PLCL2: variants seen among roughly 807,000 people sequenced by gnomAD.
The protein encoded by PLCL2 is phospholipase C like 2.
Under a neutral mutation model 79.6 loss-of-function variants are expected in PLCL2, and 4 were observed. That is an observed-to-expected ratio of 0.05 (90% CI 0.02 to 0.11). The LOEUF (loss-of-function observed/expected upper bound fraction) is 0.11. PLCL2 is among the 10% of genes least tolerant of loss of function. PLCL2 has a pLI of 1.00. For synonymous variants in PLCL2, 484 were observed against 457.7 expected, an observed-to-expected ratio of 1.06 and a Z score of -0.73; for missense variants, 895 against 1,291.0, an observed-to-expected ratio of 0.69 and a Z score of 4.70.
At chr3:17,053,676 C>T (rs2064864541) in intron 4 of PLCL2, among the ~76,000 whole-genome samples, 1 of 152,214 alleles carries the variant, frequency 6.6e-6, no homozygotes, top group Non-Finnish European at 1.5e-5. Context: ...AAGTTACTTA[C>T]TTCCAAGTTA....
At chr3:17,079,923 G>A (rs978224367) in intron 5 of PLCL2, among the ~76,000 whole-genome samples, 6 of 152,058 alleles carry the variant, frequency 3.9e-5, no homozygotes, top group African/African-American at 7.2e-5. Context: ...ACACTGCCTC[G>A]AACCACAGAA....
chr3:17,071,803 A>T (rs934581811), intron 5 of PLCL2, among the ~76,000 whole-genome samples: 1 of 152,144 alleles, frequency 6.6e-6, no homozygotes, highest in African/African-American at 2.4e-5. Context: ...TTATAAAATA[A>T]GTTATGTCAG....
At chr3:16,963,069 G>C (rs1559500180) in intron 1 of PLCL2, among the ~76,000 whole-genome samples, 1 of 152,020 alleles carries the variant, frequency 6.6e-6, no homozygotes, top group Non-Finnish European at 1.5e-5. Flanking sequence ...GTAAGGAATA[G>C]TTTGGAAAAT....
chr3:16,992,627 C>A (rs915347728), intron 1 of PLCL2, among the ~76,000 whole-genome samples: 1 of 152,154 alleles, frequency 6.6e-6, no homozygotes, highest in Non-Finnish European at 1.5e-5. Context: ...TTCCTGGTAG[C>A]CAAGCAAGAG....
chr3:16,900,950 G>A (rs1696603472), intron 1 of PLCL2, among the ~76,000 whole-genome samples: 1 of 152,178 alleles, frequency 6.6e-6, no homozygotes, highest in Non-Finnish European at 1.5e-5. Flanking sequence ...GATAATCTTG[G>A]AGTGGCACTG....
In PLCL2 at chr3:17,049,784, C is replaced by T. The variant is rs187070826; in HGVS notation, c.3094+6835C>T. ...AAGCAATATACAGATTCAATACAAT[C>T]GCTATCAAAATTCCAGTGACATTCT... On this transcript the variant is annotated intron_variant, in intron 4 of 5. Transcript: ENST00000615277. Among the ~76,000 whole-genome samples, 268 of 151,738 alleles carry T rather than the reference C, an allele frequency of 1.8e-3. 2 individuals carry two copies. The highest frequency in any genetic ancestry group is 3.2e-3 in the Non-Finnish European group (215 of 67,912).
intron 1 of PLCL2, among the ~76,000 whole-genome samples, chr3:16,958,015 G>T (rs886344845): frequency 1.7e-4 from 26 of 152,200 alleles, no homozygotes; most frequent in South Asian, 8.3e-4. Context: ...ATTGGAGCAT[G>T]CAGTCCATTT....
intron 1 of PLCL2, among the ~76,000 whole-genome samples, chr3:16,898,329 T>C (rs930276973): frequency 6.6e-6 from 1 of 152,072 alleles, no homozygotes; most frequent in African/African-American, 2.4e-5. Flanking sequence ...CATTCAGTAC[T>C]CAGTAATATT....
intron 1 of PLCL2, among the ~76,000 whole-genome samples, chr3:16,919,278 A>G (rs1234189609): frequency 1.3e-5 from 2 of 152,174 alleles, no homozygotes; most frequent in Non-Finnish European, 2.9e-5. Context: ...GTTATAAGGT[A>G]TTAGGAATTT....
chr3:16,991,400 G>A (rs1426089850), intron 1 of PLCL2, among the ~76,000 whole-genome samples: 2 of 152,208 alleles, frequency 1.3e-5, no homozygotes, highest in Non-Finnish European at 2.9e-5. Flanking sequence ...ATGTGGTGGT[G>A]AGAATTATTA....
rs781184639 is a variant in PLCL2 at position 17,011,033 on chromosome 3, G to A, written c.1687G>A (p.Gly563Arg). 6.2e-7 allele frequency: 1 copy of A among 1,613,986 alleles called. No individual in the cohort carries two copies. Among genetic ancestry groups the A allele is most frequent in the South Asian group, 1.1e-5 (1 of 91,074 alleles). The part of the protein sequence containing the change: ...SYLPSPDVLK[G>R]KILIKAKKLS... ...TCTACCATCCCCAGATGTCCTGAAAGGGAAAATACTAATTAAAGCAAAGAA... is the reference window on the plus strand; with the variant it reads ...TCTACCATCCCCAGATGTCCTGAAAAGGAAAATACTAATTAAAGCAAAGAA... Residue 563 changes from glycine (G) to arginine (R), a missense_variant, in exon 2 of 6, where the codon GGG (glycine) becomes AGG (arginine). Coordinates refer to ENST00000615277, the MANE Select transcript of PLCL2 (RefSeq NM_001144382.2). The surrounding 1 kb of genome is among the most constrained non-coding windows in gnomAD (Gnocchi z 7.9).
rs143908972 is a variant in PLCL2, at chr3:17,010,555, C to T, written c.1209C>T (p.Asp403=). 2.3e-5 allele frequency: 37 copies of T among 1,613,950 alleles called. No homozygotes were observed. The African/African-American group carries it at 2.4e-4, about 10-fold the overall frequency. ...AGGAAAAGGGCTGGCTCTCCATAGA[C>T]GGGTTCACTAATTACCTTATGTCAC... The part of the protein sequence containing the change: ...EGQEKGWLSI[D]GFTNYLMSPD... The change falls in exon 2 of 6, where the codon GAC becomes GAT. Residue 403 remains aspartate, a synonymous_variant. Transcript: ENST00000615277. This position sits in a 1 kb window ranked among gnomAD's most constrained non-coding sequence, Gnocchi z 5.8.
At chr3:16,927,109 A>G (rs528710395) in intron 1 of PLCL2, among the ~76,000 whole-genome samples, 3 of 152,332 alleles carry the variant, frequency 2.0e-5, no homozygotes, top group Admixed American at 6.5e-5. Context: ...TTTTTTTTAT[A>G]GCTAAAGTGA....
chr3:16,972,024 G>A lies in PLCL2; in HGVS notation c.328-37650G>A, dbSNP rs543845476. Among the ~76,000 whole-genome samples the A allele has an allele frequency of 1.9e-4, 29 of 152,010 alleles. No homozygotes were observed. The East Asian group carries it at 1.9e-3, about 10-fold the overall frequency. On this transcript the variant is annotated intron_variant, in intron 1 of 5. Coordinates refer to ENST00000615277, the MANE Select transcript of PLCL2 (RefSeq NM_001144382.2). ...TCAATAAATTAGGTATTGATGGGACGTATCTCAAAATAATAAGAGCTATCT... is the reference window on the plus strand; with the variant it reads ...TCAATAAATTAGGTATTGATGGGACATATCTCAAAATAATAAGAGCTATCT...
intron 1 of PLCL2, among the ~76,000 whole-genome samples, chr3:16,974,584 C>G (rs894513492): frequency 6.6e-6 from 1 of 152,134 alleles, no homozygotes; most frequent in African/African-American, 2.4e-5. Flanking sequence ...AAGAAATGTC[C>G]AGGAGGCACC....
At chr3:16,914,860 G>T (rs966907205) in intron 1 of PLCL2, among the ~76,000 whole-genome samples, 1 of 151,990 alleles carries the variant, frequency 6.6e-6, no homozygotes, top group African/African-American at 2.4e-5. Context: ...CTCCTGAGTT[G>T]CTGAGACATA....
At chr3:16,909,989 C>A (rs956275220) in intron 1 of PLCL2, among the ~76,000 whole-genome samples, 1 of 152,126 alleles carries the variant, frequency 6.6e-6, no homozygotes, top group African/African-American at 2.4e-5. Flanking sequence ...TCGCCTGGAT[C>A]CTGCCCAAAG....
At chr3:16,889,616 T>A (rs907379550) in intron 1 of PLCL2, among the ~76,000 whole-genome samples, 1 of 152,234 alleles carries the variant, frequency 6.6e-6, no homozygotes, top group Non-Finnish European at 1.5e-5. Flanking sequence ...ACACTTTTAC[T>A]GTCTTTATAC....
chr3:17,062,571 T>A (rs1041469169), intron 4 of PLCL2, among the ~76,000 whole-genome samples: 2 of 152,226 alleles, frequency 1.3e-5, no homozygotes, highest in African/African-American at 4.8e-5. Flanking sequence ...GATGAAGCCA[T>A]ACTTTATTTG....
Sources: gnomAD v4.1 joint callset for allele counts (sites outside exome capture counted in the v4.1 genomes callset) on GRCh38, gnomAD v4.1.1 for gene constraint, Gnocchi (gnomAD v3.1) non-coding constraint, MANE v1.5 for transcripts, NCBI Gene and HGNC (gene_info 2026-07-23, HGNC 2026-07-21) for gene names.